The following ERCC6 variants were observed in gnomAD, a reference collection of about 807,000 sequenced individuals.
ERCC6 encodes ERCC excision repair 6, chromatin remodeling factor.
ERCC6 carries 116 observed loss-of-function variants against 158.7 expected under a neutral mutation model. That is an observed-to-expected ratio of 0.73 (90% confidence interval 0.63 to 0.85). The LOEUF (loss-of-function observed/expected upper bound fraction) is 0.85, where lower values mean the gene tolerates loss of function less well. Among genes scored for constraint, ERCC6 ranks in the 40% least tolerant of loss-of-function variants. The probability of loss-of-function intolerance (pLI) is 0.00; values close to 1 mark genes in which losing one functional copy is unlikely to be tolerated. For synonymous variants in ERCC6, 678 were observed against 659.3 expected (o/e 1.03, Z -0.43); for missense variants, 1,698 against 1,799.4 (o/e 0.94, Z 1.02).
intron 5 of ERCC6, among the ~76,000 whole-genome samples, chr10:49,518,654 T>G (rs1277757341): frequency 1.3e-5 from 2 of 152,078 alleles, no homozygotes; most frequent in African/African-American, 4.8e-5. Flanking sequence ...TAACAGTCAT[T>G]CTACTTGGCT....
chr10:49,534,272 G>C (rs1302322384), intron 1 of ERCC6, among the ~76,000 whole-genome samples: 2 of 151,856 alleles, frequency 1.3e-5, no homozygotes, highest in Non-Finnish European at 2.9e-5. Context: ...CCCTCACATA[G>C]TGCTGCTGAG....
Position 49,459,168 on chromosome 10 carries a change from C to A in ERCC6, c.4129G>T (p.Ala1377Ser), listed in dbSNP as rs781538914. 6.2e-7 allele frequency: 1 copy of A among 1,614,208 alleles called. No homozygotes were observed. The highest frequency in any genetic ancestry group is 8.5e-7 in the Non-Finnish European group (1 of 1,180,032). Residue 1377 changes from alanine to serine, a missense_variant, in exon 21 of 21, where the codon GCA becomes TCA. By Grantham distance (99) the Ala-to-Ser change is moderately conservative. Transcript: ENST00000355832. ...GCGAGGGGCCCGGATGAAGAGTCTGCATCTTCTGCTCTTCCACTAAAATGC... is the reference window on the plus strand; with the variant it reads ...GCGAGGGGCCCGGATGAAGAGTCTGAATCTTCTGCTCTTCCACTAAAATGC... ...PEHFSGRAED[A>S]DSSSGPLASS...
intron 3 of ERCC6, among the ~76,000 whole-genome samples, chr10:49,529,659 G>A (rs1837423270): frequency 6.6e-6 from 1 of 152,084 alleles, no homozygotes; most frequent in Non-Finnish European, 1.5e-5. Flanking sequence ...TAAAAGGAGG[G>A]CCACGTGAAC....
intron 7 of ERCC6, among the ~76,000 whole-genome samples, chr10:49,498,065 G>A (rs1229968535): frequency 2.6e-5 from 4 of 152,144 alleles, no homozygotes; most frequent in African/African-American, 4.8e-5. Context: ...TGAAAAGAAG[G>A]TGGTGTATCC....
chr10:49,530,163 C>T (rs572045802), intron 3 of ERCC6, among the ~76,000 whole-genome samples: 1 of 151,934 alleles, frequency 6.6e-6, no homozygotes, highest in African/African-American at 2.4e-5. Flanking sequence ...CTAAGCCAGG[C>T]CAAAGAAATG....
Position 49,532,922 on chromosome 10 carries a change from G to C in ERCC6, c.43C>G (p.Gln15Glu). Reference sequence around the variant, plus strand: ...ACAGGTTGACTCTGTAAACAGTCTTGCTCCTGAGTTTGACTTGAGTGGGGG... The same window carrying C: ...ACAGGTTGACTCTGTAAACAGTCTTCCTCCTGAGTTTGACTTGAGTGGGGG... ...GIPHSSQTQE[Q>E]DCLQSQPVSN... Residue 15 changes from glutamine to glutamate, a missense_variant, in exon 2 of 21, where the codon CAA (glutamine) becomes GAA (glutamate). By Grantham distance (29) the Gln-to-Glu change is conservative. Coordinates refer to ENST00000355832, the MANE Select transcript of ERCC6 (RefSeq NM_000124.4). 1 of 1,614,160 alleles carries C rather than the reference G, an allele frequency of 6.2e-7. No individual in the cohort carries two copies. The highest frequency in any genetic ancestry group is 1.1e-5 in the South Asian group (1 of 91,084).
chr10:49,447,772 T>A, the ERCC6 span, among the ~76,000 whole-genome samples: 5 of 151,510 alleles, frequency 3.3e-5, no homozygotes, highest in African/African-American at 9.7e-5. Flanking sequence ...CAACCATTCA[T>A]CTGCTTTCTG....
chr10:49,503,997 C>G (rs1400184302), intron 6 of ERCC6: 1 of 152,112 alleles, frequency 6.6e-6, no homozygotes, highest in African/African-American at 2.4e-5. Flanking sequence ...ACTTGCTGGG[C>G]AAACTTTCAA....
chr10:49,492,090 A>G (rs1407774079), intron 8 of ERCC6, among the ~76,000 whole-genome samples: 1 of 152,238 alleles, frequency 6.6e-6, no homozygotes, highest in African/African-American at 2.4e-5. Flanking sequence ...GGTTTTAACA[A>G]TAACAGTGTA....
intron 7 of ERCC6, among the ~76,000 whole-genome samples, chr10:49,499,014 A>C (rs1851312158): frequency 6.6e-6 from 1 of 152,194 alleles, no homozygotes; most frequent in South Asian, 2.1e-4. Flanking sequence ...TTGAAACAGA[A>C]AAAGCATTTT....
chr10:49,517,173 T>C, intron 5 of ERCC6: 1 of 1,512,258 alleles, frequency 6.6e-7, no homozygotes, highest in Non-Finnish European at 8.9e-7. Context: ...TTTTGCCTAG[T>C]GTTCCAAAAA....
In ERCC6 at chr10:49,458,789, C is replaced by T; in HGVS notation, c.*26G>A. 1 of 1,612,750 alleles carries T rather than the reference C, an allele frequency of 6.2e-7. No homozygotes were observed. ...CAGAAATGCCCGTTAGAAAAAGGGACTTGAAAGTTTAGGAAGCAATGTTGT... is the reference window on the plus strand; with the variant it reads ...CAGAAATGCCCGTTAGAAAAAGGGATTTGAAAGTTTAGGAAGCAATGTTGT... On this transcript the variant is annotated 3_prime_UTR_variant, in exon 21 of 21. Transcript: ENST00000355832.
chr10:49,495,967 C>A lies in ERCC6; in HGVS notation c.1686-2715G>T, dbSNP rs543107848. 1.6e-4 allele frequency among the ~76,000 whole-genome samples: 25 copies of A among 152,322 alleles called. No individual in the cohort carries two copies. The South Asian group carries it at 4.6e-3, about 28-fold the overall frequency. ...CTGCTCTTGCGACAGAGATTAAACA[C>A]CTGGACGTGGCCTACGAGGCCACGA... On this transcript the variant is annotated intron_variant, in intron 7 of 20. Transcript: ENST00000355832.
intron 8 of ERCC6, among the ~76,000 whole-genome samples, chr10:49,485,701 T>C (rs965823005): frequency 1.3e-5 from 2 of 152,200 alleles, no homozygotes; most frequent in African/African-American, 4.8e-5. Flanking sequence ...AACTTTATGC[T>C]GATTACTGAG....
Position 49,500,630 on chromosome 10 carries a change from T to C in ERCC6, c.1593A>G (p.Gly531=), listed in dbSNP as rs562697922. Residue 531 remains glycine, a synonymous_variant, in exon 7 of 21, where the codon GGA becomes GGG. Coordinates refer to ENST00000355832, the MANE Select transcript of ERCC6 (RefSeq NM_000124.4). ...LHCQQAGGIL[G]DEMGLGKTIQ... ...TGGTCTTGCCCAATCCCATTTCATC[T>C]CCCAGAATTCCTCCTGCCTGCTGGC... The C allele has an allele frequency of 1.2e-5, 20 of 1,614,040 alleles. No individual in the cohort carries two copies. The South Asian group carries it at 2.0e-4, about 16-fold the overall frequency.
At chr10:49,471,619 C>T (rs1850782626) in intron 16 of ERCC6, among the ~76,000 whole-genome samples, 1 of 152,168 alleles carries the variant, frequency 6.6e-6, no homozygotes, top group Non-Finnish European at 1.5e-5. Context: ...GGCACCTCCA[C>T]CAGCCACCCT....
At chr10:49,530,878 T>A in intron 2 of ERCC6, 38 bp from the exon 3 acceptor site, 1 of 1,608,334 alleles carries the variant, frequency 6.2e-7, no homozygotes, top group Non-Finnish European at 8.5e-7. Flanking sequence ...TGCACTCTGA[T>A]AACATTTTTA....
At chr10:49,441,644 G>T in the ERCC6 span, among the ~76,000 whole-genome samples, 1 of 152,260 alleles carries the variant, frequency 6.6e-6, no homozygotes, top group East Asian at 1.9e-4. Flanking sequence ...CAGGTGGGGT[G>T]CTGTATTTCC....
chr10:49,536,463 G>GGAGGC (rs1211307644), intron 1 of ERCC6, among the ~76,000 whole-genome samples: 1 of 152,156 alleles, frequency 6.6e-6, no homozygotes, highest in Non-Finnish European at 1.5e-5. Context: ...TCTGGCAGAA[G>GGAGGC]GAGGATTCCT....
Sources: allele counts gnomAD v4.1 joint callset (sites outside exome capture counted in the v4.1 genomes callset), GRCh38; gene constraint gnomAD v4.1.1; transcripts MANE v1.5; gene names NCBI Gene and HGNC (gene_info 2026-07-23, HGNC 2026-07-21).